ROBO2: variants seen among roughly 807,000 people sequenced by gnomAD.
ROBO2 encodes the protein roundabout homolog 2.
ROBO2 carries 53 observed loss-of-function variants against 160.8 expected under a neutral mutation model. The observed-to-expected ratio is 0.33, with a 90% confidence interval of 0.26 to 0.41. ROBO2 has a LOEUF of 0.41. ROBO2 is among the 10% of genes least tolerant of loss of function. The pLI, the probability that ROBO2 is intolerant of heterozygous loss-of-function variation, is 1.00. For synonymous variants in ROBO2, 664 were observed against 611.7 expected (o/e 1.09, Z -1.26); for missense variants, 1,577 against 1,722.4 (o/e 0.92, Z 1.49).
At chr3:76,481,800 T>C (rs932310938) in intron 2 of ROBO2, among the ~76,000 whole-genome samples, 1 of 152,050 alleles carries the variant, frequency 6.6e-6, no homozygotes, top group Non-Finnish European at 1.5e-5. Context: ...CACAGAAGTG[T>C]GACTGACTGG....
At chr3:76,163,629 T>C (rs1157565605) in intron 2 of ROBO2, among the ~76,000 whole-genome samples, 1 of 151,704 alleles carries the variant, frequency 6.6e-6, no homozygotes, top group East Asian at 1.9e-4. Context: ...AAGTGAATAT[T>C]GCAATAAAGC....
In ROBO2 at chr3:76,322,193, TATATATATATA is replaced by T. The variant is rs1259344484; in HGVS notation, c.109+384597_109+384607del. 8.7e-3 allele frequency among the ~76,000 whole-genome samples: 875 copies of T among 100,600 alleles called. 5 individuals are homozygous for T. Among genetic ancestry groups the T allele is most frequent in the South Asian group, 0.023 (74 of 3,202 alleles). 66.0% of individuals were successfully genotyped at this position (100,600 alleles called of 152,430 possible). Reference sequence around the variant, plus strand: ...ATATATATATATATATATATATATATATATATATATAATATACACACACATATATACACACA... The same window carrying T: ...ATATATATATATATATATATATATATATATACACACACATATATACACACA... On this transcript the variant is annotated intron_variant, in intron 2 of 26. Coordinates refer to the ROBO2 transcript ENST00000487694.
chr3:76,864,671 G>C (rs760172504), intron 2 of ROBO2, among the ~76,000 whole-genome samples: 9 of 152,034 alleles, frequency 5.9e-5, no homozygotes, highest in Non-Finnish European at 1.3e-4. Context: ...AAGCAGTTTA[G>C]CTATCCCTTG....
At chr3:76,763,600 A>G (rs1405728996) in intron 2 of ROBO2, among the ~76,000 whole-genome samples, 1 of 151,658 alleles carries the variant, frequency 6.6e-6, no homozygotes, top group African/African-American at 2.4e-5. Context: ...CCTCCTCTTC[A>G]AGACTTGATT....
At chr3:77,378,952 T>C (rs1386853781) in intron 2 of ROBO2, among the ~76,000 whole-genome samples, 2 of 151,040 alleles carry the variant, frequency 1.3e-5, no homozygotes, top group Non-Finnish European at 3.0e-5. Flanking sequence ...GTGTCTTCTT[T>C]TTTTTTTTTT....
intron 4 of ROBO2, among the ~76,000 whole-genome samples, chr3:77,483,462 T>A (rs987586239): frequency 6.6e-6 from 1 of 151,960 alleles, no homozygotes; most frequent in African/African-American, 2.4e-5. Flanking sequence ...ACTCTTTATA[T>A]TTTAGCATTG....
At chr3:76,268,209 G>A (rs781257723) in intron 2 of ROBO2, among the ~76,000 whole-genome samples, 10 of 152,072 alleles carry the variant, frequency 6.6e-5, no homozygotes, top group Non-Finnish European at 1.3e-4. Context: ...ATTCAAGGCT[G>A]CAGTGAGCCA....
intron 2 of ROBO2, among the ~76,000 whole-genome samples, chr3:76,804,785 C>T (rs992862431): frequency 6.6e-6 from 1 of 152,110 alleles, no homozygotes; most frequent in East Asian, 1.9e-4. Flanking sequence ...TGAGCCAGTT[C>T]CTTAACATGA....
intron 2 of ROBO2, among the ~76,000 whole-genome samples, chr3:76,317,692 A>C (rs912529177): frequency 7.9e-5 from 12 of 152,140 alleles, no homozygotes; most frequent in Admixed American, 1.3e-4. Context: ...ACCAGGTCTG[A>C]AAAACATGTT....
At chr3:77,233,972 T>C (rs1319906219) in intron 2 of ROBO2, among the ~76,000 whole-genome samples, 1 of 152,188 alleles carries the variant, frequency 6.6e-6, no homozygotes, top group Non-Finnish European at 1.5e-5. Context: ...AATAAAAACC[T>C]TGGGATTTAT....
At chr3:76,918,002 A>C (rs1193891947) in intron 2 of ROBO2, among the ~76,000 whole-genome samples, 1 of 152,216 alleles carries the variant, frequency 6.6e-6, no homozygotes, top group Non-Finnish European at 1.5e-5. Flanking sequence ...CAGAGATACG[A>C]AATGGATACA....
chr3:77,197,210 A>AACTTGC, intron 2 of ROBO2, among the ~76,000 whole-genome samples: 1 of 152,206 alleles, frequency 6.6e-6, no homozygotes, highest in Admixed American at 6.5e-5. Context: ...TCCAAAGCTG[A>AACTTGC]AATTTCACAC....
chr3:76,794,113 A>G (rs1050780596), intron 2 of ROBO2, among the ~76,000 whole-genome samples: 29 of 152,084 alleles, frequency 1.9e-4, no homozygotes, highest in African/African-American at 6.3e-4. Flanking sequence ...AGTTTCAAAT[A>G]AAAACGTCTT....
rs570865801 is a variant in ROBO2, at chr3:76,273,786, T to A, written c.109+336184T>A. ...CCCACCAGATCCCTCCCATGACATG[T>A]GGGGATTATGGGAACTACAATTCAA... On this transcript the variant is annotated intron_variant, in intron 2 of 26. Coordinates refer to the ROBO2 transcript ENST00000487694. 2.6e-5 allele frequency among the ~76,000 whole-genome samples: 4 copies of A among 152,246 alleles called. No individual in the cohort carries two copies. The East Asian group carries it at 7.7e-4, about 29-fold the overall frequency.
At chr3:77,350,281 A>G (rs560132952) in intron 2 of ROBO2, among the ~76,000 whole-genome samples, 1 of 152,076 alleles carries the variant, frequency 6.6e-6, no homozygotes, top group African/African-American at 2.4e-5. Flanking sequence ...GCTTGAGCCC[A>G]GGAGGTTGAG....
chr3:76,942,266 T>G (rs2078239265), intron 2 of ROBO2, among the ~76,000 whole-genome samples: 1 of 152,202 alleles, frequency 6.6e-6, no homozygotes, highest in Admixed American at 6.5e-5. Flanking sequence ...CTTTGACATT[T>G]TTATCACCCC....
chr3:77,239,613 A>G (rs1047089656), intron 2 of ROBO2, among the ~76,000 whole-genome samples: 1 of 152,160 alleles, frequency 6.6e-6, no homozygotes, highest in African/African-American at 2.4e-5. Flanking sequence ...TGATTGGTCC[A>G]TTTTGACAGG....
At chr3:76,617,448 T>G (rs1451151581) in intron 2 of ROBO2, among the ~76,000 whole-genome samples, 1 of 152,234 alleles carries the variant, frequency 6.6e-6, no homozygotes, top group African/African-American at 2.4e-5. Context: ...TGTTTGGGTT[T>G]TATATTTTTC....
chr3:76,853,733 T>A (rs2069677544), intron 2 of ROBO2, among the ~76,000 whole-genome samples: 1 of 152,122 alleles, frequency 6.6e-6, no homozygotes, highest in Admixed American at 6.5e-5. Context: ...CATCAACATT[T>A]TAATCTTTAA....
Sources: allele counts gnomAD v4.1 joint callset (sites outside exome capture counted in the v4.1 genomes callset), GRCh38; gene constraint gnomAD v4.1.1; transcripts MANE v1.5; gene names NCBI Gene and HGNC (gene_info 2026-07-23, HGNC 2026-07-21).